The following WDFY2 variants were observed in gnomAD, a reference collection of about 807,000 sequenced individuals.
WDFY2 encodes WD repeat and FYVE domain containing 2, also known as WD repeat and FYVE domain-containing protein 2.
A neutral mutation model predicts 56.4 loss-of-function variants in WDFY2; 36 were observed. The ratio of observed to expected loss-of-function variants is 0.64; its 90% CI spans 0.49 to 0.84. The LOEUF (loss-of-function observed/expected upper bound fraction) is 0.84, where lower values mean the gene tolerates loss of function less well. Ranked by LOEUF, WDFY2 falls within the 40% of genes least tolerant of loss-of-function variation. The pLI is 0.00. For missense variants in WDFY2, 444 were observed against 512.2 expected (o/e 0.87, Z 1.29); for synonymous variants, 176 against 183.7 (o/e 0.96, Z 0.34).
intron 1 of WDFY2, among the ~76,000 whole-genome samples, chr13:51,608,680 A>AAAAAAG (rs1297605465): frequency 6.6e-6 from 1 of 152,102 alleles, no homozygotes; most frequent in Non-Finnish European, 1.5e-5. Context: ...GACTGTCTTA[A>AAAAAAG]AAAAAGAAAA....
At chr13:51,613,745 G>A (rs1330570543) in intron 1 of WDFY2, among the ~76,000 whole-genome samples, 2 of 152,176 alleles carry the variant, frequency 1.3e-5, no homozygotes, top group African/African-American at 4.8e-5. Flanking sequence ...AACAAGCCAT[G>A]TGGTGTGCTG....
At chr13:51,687,151 G>A (rs969303158) in intron 3 of WDFY2, among the ~76,000 whole-genome samples, 1 of 150,254 alleles carries the variant, frequency 6.7e-6, no homozygotes, top group African/African-American at 2.4e-5. Flanking sequence ...TTAATAGAGA[G>A]CTATTATGTA....
intron 4 of WDFY2, 49 bp downstream of exon 4, chr13:51,703,699 T>G: frequency 6.6e-7 from 1 of 1,504,564 alleles, no homozygotes; most frequent in Admixed American, 2.0e-5. Flanking sequence ...AAAATACTTC[T>G]TGGTGGTTTT....
intron 3 of WDFY2, among the ~76,000 whole-genome samples, chr13:51,694,100 T>C (rs1043429992): frequency 7.9e-5 from 12 of 152,210 alleles, no homozygotes; most frequent in African/African-American, 2.7e-4. Context: ...ATGGGTTTCC[T>C]GAATACAGCA....
chr13:51,715,961 C>CA (rs1309748297), intron 4 of WDFY2, among the ~76,000 whole-genome samples: 3 of 151,500 alleles, frequency 2.0e-5, no homozygotes, highest in Non-Finnish European at 2.9e-5. Context: ...TCATAATGGC[C>CA]AAAAAAATGG....
intron 3 of WDFY2, among the ~76,000 whole-genome samples, chr13:51,681,672 T>A (rs1223752174): frequency 6.6e-6 from 1 of 152,208 alleles, no homozygotes; most frequent in Admixed American, 6.5e-5. Context: ...TTTAAACATA[T>A]ATATTACATA....
At chr13:51,633,818 TC>T (rs1159403553) in intron 1 of WDFY2, among the ~76,000 whole-genome samples, 1 of 152,184 alleles carries the variant, frequency 6.6e-6, no homozygotes, top group Non-Finnish European at 1.5e-5. Flanking sequence ...AATTCATTTG[TC>T]CCCCTATGAT....
chr13:51,602,548 T>C (rs1257389063), intron 1 of WDFY2, among the ~76,000 whole-genome samples: 2 of 152,276 alleles, frequency 1.3e-5, no homozygotes, highest in African/African-American at 2.4e-5. Flanking sequence ...TTAATCTTTT[T>C]CTTCTCCATT....
chr13:51,699,789 G>C (rs1037083726), intron 3 of WDFY2, among the ~76,000 whole-genome samples: 2 of 152,190 alleles, frequency 1.3e-5, no homozygotes, highest in Non-Finnish European at 2.9e-5. Context: ...TGTTTATTAA[G>C]ACATTAAATG....
Position 51,707,732 on chromosome 13 carries a change from C to CTT in WDFY2, c.334+4084_334+4085dup, listed in dbSNP as rs138044968. 9.1e-3 allele frequency among the ~76,000 whole-genome samples: 1,389 copies of CTT among 151,872 alleles called. 18 individuals carry two copies. The highest frequency in any genetic ancestry group is 0.032 in the African/African-American group (1,314 of 41,378). ...TTTTTTTCATATGTTGTATGAATCT[C>CTT]TTTAAAAGACAATTGACTTTAAGTA... On this transcript the variant is annotated intron_variant, in intron 4 of 11. Transcript: ENST00000298125.
intron 5 of WDFY2, 111 bp from the exon 6 acceptor site, chr13:51,727,567 C>A: frequency 1.0e-6 from 1 of 967,522 alleles, no homozygotes; most frequent in Non-Finnish European, 1.6e-6. Context: ...ACTGTCTTCA[C>A]ATTTTCCTCA....
chr13:51,595,496 C>T (rs916803017), intron 1 of WDFY2, among the ~76,000 whole-genome samples: 2 of 152,108 alleles, frequency 1.3e-5, no homozygotes, highest in African/African-American at 4.8e-5. Flanking sequence ...ATGAAATTAT[C>T]GCCTGCAGAC....
rs529453762 is a variant in WDFY2, at chr13:51,706,862, T to G, written c.334+3212T>G. Among the ~76,000 whole-genome samples, 10 of 152,242 alleles carry G rather than the reference T, an allele frequency of 6.6e-5. No individual in the cohort carries two copies. In the East Asian group the frequency reaches 7.7e-4, roughly 12 times the overall value. On this transcript the variant is annotated intron_variant, in intron 4 of 11. Coordinates refer to ENST00000298125, the MANE Select transcript of WDFY2 (RefSeq NM_052950.4). ...CAATCAATCCACCATGAGTAAATAT[T>G]AGCAGATATCACAAACGGGATGATT...
At chr13:51,713,166 T>C (rs1952263116) in intron 4 of WDFY2, among the ~76,000 whole-genome samples, 1 of 152,136 alleles carries the variant, frequency 6.6e-6, no homozygotes, top group South Asian at 2.1e-4. Context: ...ACCAAAATGA[T>C]ACAAGTAAAG....
intron 1 of WDFY2, among the ~76,000 whole-genome samples, chr13:51,631,858 G>A (rs1371350124): frequency 6.6e-6 from 1 of 151,978 alleles, no homozygotes; most frequent in African/African-American, 2.4e-5. Context: ...TAGCTTTATT[G>A]CTCACTGCTG....
chr13:51,743,114 A>G lies in WDFY2; in HGVS notation c.725+3939A>G, dbSNP rs1283751290. Among the ~76,000 whole-genome samples the G allele has an allele frequency of 3.3e-5, 5 of 152,230 alleles. No individual in the cohort carries two copies. In the East Asian group the frequency reaches 9.6e-4, roughly 29 times the overall value. On this transcript the variant is annotated intron_variant, in intron 7 of 11. Coordinates refer to ENST00000298125, the MANE Select transcript of WDFY2 (RefSeq NM_052950.4). ...GCTCAAATCTGTGAGATTTAAGAGC[A>G]TTTCCCACTGTGGTGCTAGGGAACT...
rs116543717 is a variant in WDFY2, at chr13:51,722,709, C to G, written c.485+3361C>G. 5.5e-3 allele frequency among the ~76,000 whole-genome samples: 838 copies of G among 152,306 alleles called. 7 individuals carry two copies. Among genetic ancestry groups the G allele is most frequent in the African/African-American group, 0.016 (675 of 41,562 alleles). ...CGTAACTGTTAGCCGGCAGAACCAG[C>G]ATTAGAATTGGGGGATTGTAATTTT... On this transcript the variant is annotated intron_variant, in intron 5 of 11. Coordinates refer to ENST00000298125, the MANE Select transcript of WDFY2 (RefSeq NM_052950.4).
intron 1 of WDFY2, among the ~76,000 whole-genome samples, chr13:51,632,895 T>C (rs1445964534): frequency 6.6e-6 from 1 of 152,222 alleles, no homozygotes; most frequent in Non-Finnish European, 1.5e-5. Flanking sequence ...GTAACTGAAA[T>C]ATGCTTTGTC....
At chr13:51,739,197 T>A in intron 7 of WDFY2, 22 bp downstream of exon 7, 1 of 1,568,098 alleles carries the variant, frequency 6.4e-7, no homozygotes, top group Non-Finnish European at 8.7e-7. Context: ...GGTGCTTTCA[T>A]AAAGACTCTG....
Sources: gnomAD v4.1 joint callset for allele counts (sites outside exome capture counted in the v4.1 genomes callset) on GRCh38, gnomAD v4.1.1 for gene constraint, MANE v1.5 for transcripts, NCBI Gene and HGNC (gene_info 2026-07-23, HGNC 2026-07-21) for gene names.